LIG4: variants seen among roughly 807,000 people sequenced by gnomAD.
The protein encoded by LIG4 is DNA joinase.
LIG4 carries 13 observed loss-of-function variants against 19.0 expected under a neutral mutation model. That is an observed-to-expected ratio of 0.68 (90% confidence interval 0.44 to 1.09). LIG4 has a LOEUF of 1.09. Among genes scored for constraint, LIG4 ranks in the 50% least tolerant of loss-of-function variants. The pLI, the probability that LIG4 is intolerant of heterozygous loss-of-function variation, is 0.00. For missense variants in LIG4, 1,026 were observed against 1,089.7 expected (o/e 0.94, Z 0.82); for synonymous variants, 361 against 358.2 (o/e 1.01, Z -0.09).
At chr13:108,212,928 C>G (rs1878818712) in intron 2 of LIG4, among the ~76,000 whole-genome samples, 1 of 152,058 alleles carries the variant, frequency 6.6e-6, no homozygotes, top group South Asian at 2.1e-4. Flanking sequence ...CACACTCACA[C>G]ACGCACGCAG....
chr13:108,210,323 G>C lies in LIG4; in HGVS notation c.946C>G (p.His316Asp). The C allele has an allele frequency of 6.2e-7, 1 of 1,613,742 alleles. No homozygotes were observed. The highest frequency in any genetic ancestry group is 8.5e-7 in the Non-Finnish European group (1 of 1,179,738). The change falls in exon 3 of 3, where the codon CAT (histidine) becomes GAT (aspartate). Residue 316 changes from histidine (H) to aspartate (D), a missense_variant. Physicochemically the swap from His to Asp is moderately conservative, Grantham distance 81. Around this residue, in one of 3 missense-constraint regions of LIG4, gnomAD observed 493 missense variants for 544.5 expected, o/e 0.91. Transcript: ENST00000442234. ...PTEGSLTPFI[H>D]NAFKADIQIC... ...TGTATATCTGCTTTGAATGCATTAT[G>C]AATGAATGGGGTAAGAGAACCTTCA...
chr13:108,212,178 G>GT (rs1165903909), intron 2 of LIG4, among the ~76,000 whole-genome samples: 1 of 137,210 alleles, frequency 7.3e-6, no homozygotes, highest in Non-Finnish European at 1.6e-5. Flanking sequence ...AATATATTCT[G>GT]TAAAAAAAAA....
rs1878444595 is a variant in LIG4, at chr13:108,209,999, T to A, written c.1270A>T (p.Lys424Ter). The change falls in exon 3 of 3, where the codon AAA becomes TAA. Residue 424 changes from lysine to a stop codon, truncating the protein, a stop_gained. Coordinates refer to ENST00000442234, the MANE Select transcript of LIG4 (RefSeq NM_206937.2). LOFTEE classifies it low-confidence loss of function (END_TRUNC). The part of the protein sequence containing the change: ...VIDALNEAID[K>*]REEGIMVKQP... ...TTTACCATAATTCCCTCTTCTCTTT[T>A]ATCTATTGCTTCATTCAATGCATCA... is the stretch of plus-strand genomic sequence containing the variant. 1 of 1,612,236 alleles carries A rather than the reference T, an allele frequency of 6.2e-7. No individual in the cohort carries two copies. The highest frequency in any genetic ancestry group is 8.5e-7 in the Non-Finnish European group (1 of 1,179,954).
In LIG4 at chr13:108,207,971, G is replaced by A. The variant is rs929439433; in HGVS notation, c.*562C>T. Reference sequence around the variant, plus strand: ...TTCCTCTAATTTAGCTAAAACCATCGACAGGGTTTTATTGTTACATTTGGC... The same window carrying A: ...TTCCTCTAATTTAGCTAAAACCATCAACAGGGTTTTATTGTTACATTTGGC... On this transcript the variant is annotated 3_prime_UTR_variant, in exon 3 of 3. Coordinates refer to ENST00000442234, the MANE Select transcript of LIG4 (RefSeq NM_206937.2). 7.0e-6 allele frequency: 1 copy of A among 143,314 alleles called. No individual in the cohort carries two copies. The highest frequency in any genetic ancestry group is 1.5e-5 in the Non-Finnish European group (1 of 67,956). 8.9% of individuals were successfully genotyped at this position (143,314 alleles called of 1,614,324 possible). A position where few individuals can be genotyped will look rare whatever the true frequency, so the allele number is the denominator to read the frequency against.
At chr13:108,218,223 G>A (rs972464255), upstream of LIG4, 1 of 152,362 alleles carries the variant, frequency 6.6e-6, no homozygotes, top group East Asian at 1.9e-4. Flanking sequence ...TCTTCACCAC[G>A]GAGGCCTCGG....
chr13:108,210,409 A>G lies in LIG4; in HGVS notation c.860T>C (p.Val287Ala), dbSNP rs1272297286. 2 of 1,613,574 alleles carry G rather than the reference A, an allele frequency of 1.2e-6. No individual in the cohort carries two copies. Among genetic ancestry groups the G allele is most frequent in the Non-Finnish European group, 8.5e-7 (1 of 1,179,878 alleles). ...TCCATTTCGAGAGAAGTATTTATAT[A>G]CATCTCCATCTTTGTGCATTTGCAT... ...ERMQMHKDGD[V>A]YKYFSRNGYN... Residue 287 changes from valine to alanine, a missense_variant, in exon 3 of 3, where the codon GTA becomes GCA. By Grantham distance (64) the Val-to-Ala change is moderately conservative (BLOSUM62 0). Coordinates refer to ENST00000442234, the MANE Select transcript of LIG4 (RefSeq NM_206937.2).
Position 108,209,310 on chromosome 13 carries a change from G to C in LIG4, c.1959C>G (p.Asn653Lys). The stretch of plus-strand genomic sequence containing the variant: ...CATCTTCAAATATATTAGAAATTTT[G>C]TTAACGTTAGTAAGGTTAGGTGCTT... The part of the protein sequence containing the change: ...HLKAPNLTNV[N>K]KISNIFEDVE... The change falls in exon 3 of 3, where the codon AAC becomes AAG. Residue 653 changes from asparagine to lysine, a missense_variant. Around this residue, in one of 3 missense-constraint regions of LIG4, gnomAD observed 521 missense variants for 515.5 expected, o/e 1.01. Transcript: ENST00000442234. 6.2e-7 allele frequency: 1 copy of C among 1,614,008 alleles called. No individual in the cohort carries two copies.
At position 108,210,642 on chromosome 13, in the gene LIG4, A is replaced by G. The variant is rs1182950659; in HGVS notation, c.627T>C (p.Asn209=). 3 of 1,613,678 alleles carry G rather than the reference A, an allele frequency of 1.9e-6. No homozygotes were observed. The highest frequency in any genetic ancestry group is 2.5e-6 in the Non-Finnish European group (3 of 1,179,976). ...TGACATTATGCAACTCAGCAGCATC[A>G]TTATGAAAAACAGAAAAGATAGTTT... ...SQQTIFSVFH[N]DAAELHNVTT... Residue 209 remains asparagine (N), a synonymous_variant, in exon 3 of 3, where the codon AAT becomes AAC. Coordinates refer to ENST00000442234, the MANE Select transcript of LIG4 (RefSeq NM_206937.2).
Position 108,210,738 on chromosome 13 carries a change from C to G in LIG4, c.531G>C (p.Gln177His). ...GCCACTTTTGCTCAAGTGCTGAACT[C>G]TGAGTTATAAGTTGAAGAAGGCTCT... ...IKKSLLQLIT[Q>H]SSALEQKWLI... Residue 177 changes from glutamine to histidine, a missense_variant, in exon 3 of 3, where the codon CAG (glutamine) becomes CAC (histidine). Physicochemically the swap from Gln to His is conservative, Grantham distance 24 (BLOSUM62 0). Coordinates refer to ENST00000442234, the MANE Select transcript of LIG4 (RefSeq NM_206937.2). 1.2e-6 allele frequency: 2 copies of G among 1,614,042 alleles called. No individual in the cohort carries two copies.
chr13:108,216,519 A>C (rs1207468169), upstream of LIG4, among the ~76,000 whole-genome samples: 2 of 152,240 alleles, frequency 1.3e-5, no homozygotes, highest in Non-Finnish European at 2.9e-5. Flanking sequence ...GGTTCCGTCT[A>C]GCCCAAGAAC....
In LIG4 at chr13:108,209,758, G is replaced by C; in HGVS notation, c.1511C>G (p.Ser504Cys). The change falls in exon 3 of 3, where the codon TCT becomes TGT. Residue 504 changes from serine to cysteine, a missense_variant. By Grantham distance (112) the Ser-to-Cys change is moderately radical. This residue lies in a region of LIG4 where 521 missense variants were observed against 515.5 expected (regional missense o/e 1.01). Transcript: ENST00000442234. The part of the protein sequence containing the change: ...GEKPSVFHTL[S>C]RVGSGCTMKE... ...CATGGTGCAGCCAGACCCAACACGAGAGAGAGTATGAAACACAGATGGCTT... is the reference window on the plus strand; with the variant it reads ...CATGGTGCAGCCAGACCCAACACGACAGAGAGTATGAAACACAGATGGCTT... 1 of 1,614,098 alleles carries C rather than the reference G, an allele frequency of 6.2e-7. No individual in the cohort carries two copies.
upstream of LIG4, among the ~76,000 whole-genome samples, chr13:108,217,826 G>C (rs1879389479): frequency 6.6e-6 from 1 of 152,168 alleles, no homozygotes; most frequent in South Asian, 2.1e-4. Flanking sequence ...ACACTTCAGT[G>C]CACAGGGGGG....
Position 108,210,873 on chromosome 13 carries a change from CACAAAATAT to C in LIG4, c.387_395del (p.Tyr130_Val132del), listed in dbSNP as rs1878580934. ...CTTTCTGTAAACATCTTGGCTTCAACACAAAATATGCAATCATTGCAAAGTCTCCAGCAT... is the reference window on the plus strand; with the variant it reads ...CTTTCTGTAAACATCTTGGCTTCAACGCAATCATTGCAAAGTCTCCAGCAT... On this transcript the variant is annotated inframe_deletion, in exon 3 of 3. Transcript: ENST00000442234. The C allele has an allele frequency of 6.2e-7, 1 of 1,613,928 alleles. No homozygotes were observed. The highest frequency in any genetic ancestry group is 1.7e-5 in the Admixed American group (1 of 60,000).
chr13:108,213,852 T>C (rs1456882204), intron 2 of LIG4, among the ~76,000 whole-genome samples: 1 of 152,182 alleles, frequency 6.6e-6, no homozygotes, highest in Non-Finnish European at 1.5e-5. Flanking sequence ...AATCAGATAA[T>C]CTACAAAATG....
chr13:108,209,873 T>C lies in LIG4; in HGVS notation c.1396A>G (p.Ile466Val), dbSNP rs770386631. Residue 466 changes from isoleucine to valine, a missense_variant, in exon 3 of 3, where the codon ATT becomes GTT. Around this residue, in one of 3 missense-constraint regions of LIG4, gnomAD observed 493 missense variants for 544.5 expected, o/e 0.91. Transcript: ENST00000442234. ...SGLMDELDIL[I>V]VGGYWGKGSR... ...CCTTTACCCCAATATCCTCCAACAA[T>C]TAAAATGTCCAATTCATCCATTAGT... 1.2e-6 allele frequency: 2 copies of C among 1,614,148 alleles called. No individual in the cohort carries two copies. Among genetic ancestry groups the C allele is most frequent in the South Asian group, 1.1e-5 (1 of 91,082 alleles).
rs1395505304 is a variant in LIG4 at position 108,209,523 on chromosome 13, T to C, written c.1746A>G (p.Glu582=). 6.2e-7 allele frequency: 1 copy of C among 1,613,944 alleles called. No individual in the cohort carries two copies. The highest frequency in any genetic ancestry group is 1.1e-5 in the South Asian group (1 of 91,084). The change falls in exon 3 of 3, where the codon GAA becomes GAG. Residue 582 remains glutamate (E), a synonymous_variant. Coordinates refer to ENST00000442234, the MANE Select transcript of LIG4 (RefSeq NM_206937.2). ...GCCACTCCTTGTCATCTCTTATCTT[T>C]TCAATTCGTGGAAAACGCAAGGTGC... ...TGCTLRFPRI[E]KIRDDKEWHE...
chr13:108,214,707 T>C (rs562757881), intron 1 of LIG4, 97 bp from the exon 2 acceptor site: 1 of 152,300 alleles, frequency 6.6e-6, no homozygotes, highest in South Asian at 2.1e-4. Context: ...TCCCACGACC[T>C]GGGGCTTGGG....
At chr13:108,217,835 G>T (rs545520568), upstream of LIG4, among the ~76,000 whole-genome samples, 1 of 152,174 alleles carries the variant, frequency 6.6e-6, no homozygotes, top group Non-Finnish European at 1.5e-5. Context: ...TGCACAGGGG[G>T]GTTGACAGCG....
Position 108,209,044 on chromosome 13 carries a change from A to G in LIG4, c.2225T>C (p.Phe742Ser). The change falls in exon 3 of 3, where the codon TTT becomes TCT. Residue 742 changes from phenylalanine (F) to serine (S), a missense_variant. By Grantham distance (155) the Phe-to-Ser change is radical. Coordinates refer to ENST00000442234, the MANE Select transcript of LIG4 (RefSeq NM_206937.2). ...GGTTGATGGGCACATATGAATCATA[A>G]AGCGAGGCTGCCATGGTACAAAGCT... ...TKSFVPWQPR[F>S]MIHMCPSTKE... The G allele has an allele frequency of 6.2e-7, 1 of 1,614,178 alleles. No individual in the cohort carries two copies. Among genetic ancestry groups the G allele is most frequent in the Non-Finnish European group, 8.5e-7 (1 of 1,180,038 alleles).
Sources: gnomAD v4.1 joint callset for allele counts (sites outside exome capture counted in the v4.1 genomes callset) on GRCh38, gnomAD v4.1.1 for gene constraint, gnomAD v4.1.1 regional missense constraint, MANE v1.5 for transcripts, NCBI Gene and HGNC (gene_info 2026-07-23, HGNC 2026-07-21) for gene names.